Variants in PLEKHA6 observed in about 807,000 individuals in gnomAD.
PLEKHA6 encodes pleckstrin homology domain-containing family A member 6.
A neutral mutation model predicts 116.7 loss-of-function variants in PLEKHA6; 60 were observed. The observed-to-expected ratio is 0.51, with a 90% CI of 0.42 to 0.64. The LOEUF (loss-of-function observed/expected upper bound fraction) is 0.64. PLEKHA6 is among the 30% of genes least tolerant of loss of function. The pLI is 0.00. For synonymous variants in PLEKHA6, 489 were observed against 556.1 expected (o/e 0.88, Z 1.70); for missense variants, 1,338 against 1,422.7 (o/e 0.94, Z 0.96).
intron 1 of PLEKHA6, chr1:204,297,001 A>C: frequency 1.3e-5 from 6 of 445,800 alleles, no homozygotes; most frequent in Non-Finnish European, 1.8e-5. Context: ...ATTTAGGAAC[A>C]TGGCTATTAC....
chr1:204,295,489 C>CA (rs11422057), intron 1 of PLEKHA6, among the ~76,000 whole-genome samples: 55,480 of 121,866 alleles, frequency 0.46, 11,356 homozygotes, highest in Middle Eastern at 0.54. Context: ...GATGCCATCT[C>CA]AAAAAAAAAA....
chr1:204,266,638 A>C (rs1666859778), intron 5 of PLEKHA6, among the ~76,000 whole-genome samples: 1 of 146,564 alleles, frequency 6.8e-6, no homozygotes, highest in South Asian at 2.1e-4. Flanking sequence ...CAGCAACAGC[A>C]GTGCTCTGCA....
chr1:204,297,796 C>G (rs1670431569), intron 1 of PLEKHA6: 2 of 665,432 alleles, frequency 3.0e-6, no homozygotes, highest in Non-Finnish European at 3.7e-6. Flanking sequence ...ACATTGCTAA[C>G]TATGAGCTGT....
chr1:204,310,109 C>A (rs1028511425), intron 1 of PLEKHA6, among the ~76,000 whole-genome samples: 1 of 151,820 alleles, frequency 6.6e-6, no homozygotes, highest in African/African-American at 2.4e-5. Flanking sequence ...TGGATGTGGC[C>A]CATGGGTCAC....
Position 204,257,769 on chromosome 1 carries a change from G to C in PLEKHA6, c.1108C>G (p.Arg370Gly), listed in dbSNP as rs780352987. The part of the protein sequence containing the change: ...DDYQYYPPGV[R>G]PESICSMPAY... ...GGCATGGAACAGATGCTCTCCGGCC[G>C]CACTCCTGGCGGGTAGTACTGATAA... Residue 370 changes from arginine to glycine, a missense_variant, in exon 9 of 23, where the codon CGG becomes GGG. Arg to Gly is a moderately radical substitution (Grantham distance 125). Around this residue, in one of 3 missense-constraint regions of PLEKHA6, gnomAD observed 1,136 missense variants for 1,163.6 expected, o/e 0.98. Coordinates refer to ENST00000272203, the MANE Select transcript of PLEKHA6 (RefSeq NM_014935.5). This position sits in a 1 kb window ranked among gnomAD's most constrained non-coding sequence, Gnocchi z 6.5. 4.3e-6 allele frequency: 7 copies of C among 1,613,892 alleles called. No individual in the cohort carries two copies. The highest frequency in any genetic ancestry group is 5.9e-6 in the Non-Finnish European group (7 of 1,179,960).
Position 204,257,637 on chromosome 1 carries a change from T to G in PLEKHA6, c.1240A>C (p.Ser414Arg). ...YQLREWKEPASYGRQDATVWI... is the reference protein window; with the variant it reads ...YQLREWKEPARYGRQDATVWI... ...ACGGTGGCATCCTGCCGCCCGTAGC[T>G]GGCGGGCTCCTTCCACTCTCGCAGC... is the stretch of plus-strand genomic sequence containing the variant. The change falls in exon 9 of 23, where the codon AGC becomes CGC. Residue 414 changes from serine to arginine, a missense_variant. By Grantham distance (110) the Ser-to-Arg change is moderately radical. This residue lies in a region of PLEKHA6 where 1,136 missense variants were observed against 1,163.6 expected (regional missense o/e 0.98). Coordinates refer to ENST00000272203, the MANE Select transcript of PLEKHA6 (RefSeq NM_014935.5). This position sits in a 1 kb window ranked among gnomAD's most constrained non-coding sequence, Gnocchi z 6.5. 1 of 1,609,524 alleles carries G rather than the reference T, an allele frequency of 6.2e-7. No homozygotes were observed. Among genetic ancestry groups the G allele is most frequent in the Non-Finnish European group, 8.5e-7 (1 of 1,178,326 alleles).
intron 1 of PLEKHA6, among the ~76,000 whole-genome samples, chr1:204,298,396 A>G (rs1482205382): frequency 2.0e-5 from 3 of 152,208 alleles, no homozygotes; most frequent in Non-Finnish European, 2.9e-5. Context: ...CCATTTATGA[A>G]AGACTTTACT....
intron 1 of PLEKHA6, among the ~76,000 whole-genome samples, chr1:204,329,121 G>T (rs750645287): frequency 6.6e-6 from 1 of 152,224 alleles, no homozygotes; most frequent in Non-Finnish European, 1.5e-5. Flanking sequence ...AGAGGGGATA[G>T]TTGGGAAAGA....
intron 1 of PLEKHA6, among the ~76,000 whole-genome samples, chr1:204,332,616 G>A (rs1672496348): frequency 6.6e-6 from 1 of 152,112 alleles, no homozygotes; most frequent in African/African-American, 2.4e-5. Flanking sequence ...TCTTGACCTC[G>A]TGATCCACCC....
Position 204,282,889 on chromosome 1 carries a change from C to T in PLEKHA6, c.-94-8080G>A, listed in dbSNP as rs111683145. 1.5e-5 allele frequency: 12 copies of T among 802,960 alleles called. No individual in the cohort carries two copies. The African/African-American group carries it at 1.7e-4, about 11-fold the overall frequency. The allele number at this position is 802,960 out of a possible 1,614,324, so 49.7% of individuals were successfully genotyped here. A position where few individuals can be genotyped will look rare whatever the true frequency, so the allele number is the denominator to read the frequency against. ...TCTCAGCCTTTCCTCAGTAGCTAAG[C>T]CAGACAGAAGCAGAGAAAAAAGGCC... is the stretch of plus-strand genomic sequence containing the variant. On this transcript the variant is annotated intron_variant, in intron 1 of 22. Transcript: ENST00000272203.
intron 1 of PLEKHA6, among the ~76,000 whole-genome samples, chr1:204,300,887 T>C (rs902896334): frequency 2.2e-4 from 33 of 152,242 alleles, no homozygotes; most frequent in Non-Finnish European, 4.4e-5. Flanking sequence ...AATGCTTTCA[T>C]AGCATTCCAA....
At chr1:204,319,979 C>T (rs116127747) in intron 1 of PLEKHA6, among the ~76,000 whole-genome samples, 1,670 of 152,196 alleles carry the variant, frequency 0.011, 18 homozygotes, top group Admixed American at 0.018. Context: ...CTAACAGGGA[C>T]GAGTGGAACA....
At chr1:204,302,009 A>G (rs751443854) in intron 1 of PLEKHA6, among the ~76,000 whole-genome samples, 1 of 152,224 alleles carries the variant, frequency 6.6e-6, no homozygotes, top group South Asian at 2.1e-4. Flanking sequence ...TCCAACAGGC[A>G]TACGACTGTT....
intron 1 of PLEKHA6, among the ~76,000 whole-genome samples, chr1:204,329,112 G>A (rs1169116437): frequency 6.6e-6 from 1 of 152,224 alleles, no homozygotes; most frequent in Non-Finnish European, 1.5e-5. Flanking sequence ...GGGGTGATTA[G>A]AGGGGATAGT....
Position 204,265,938 on chromosome 1 carries a change from G to A in PLEKHA6, c.281-896C>T, listed in dbSNP as rs115173513. Among the ~76,000 whole-genome samples the A allele has an allele frequency of 6.0e-3, 916 of 152,316 alleles. 10 individuals carry two copies. The highest frequency in any genetic ancestry group is 8.5e-3 in the Non-Finnish European group (575 of 68,034). ...CTGGAAGCAGGAAGCAAGAAAGGGC[G>A]GGGAGTGCTCTGTGGGACAGTGGGG... On this transcript the variant is annotated intron_variant, in intron 5 of 22. Coordinates refer to ENST00000272203, the MANE Select transcript of PLEKHA6 (RefSeq NM_014935.5).
At chr1:204,250,456 G>T in intron 10 of PLEKHA6, 90 bp downstream of exon 10, 1 of 875,792 alleles carries the variant, frequency 1.1e-6, no homozygotes, top group South Asian at 1.4e-5. Flanking sequence ...CCCCCGCAGA[G>T]GAAGAGAGAT....
At chr1:204,377,392 G>A (rs542128252) in intron 1 of PLEKHA6, among the ~76,000 whole-genome samples, 2 of 152,286 alleles carry the variant, frequency 1.3e-5, no homozygotes, top group South Asian at 4.1e-4. Context: ...AGCCTTTGCT[G>A]GACTTTGACC....
intron 3 of PLEKHA6, among the ~76,000 whole-genome samples, chr1:204,365,205 C>T (rs1673627028): frequency 6.6e-6 from 1 of 152,120 alleles, no homozygotes; most frequent in Non-Finnish European, 1.5e-5. Flanking sequence ...CCTTTACGTG[C>T]CCAGATAGGG....
intron 9 of PLEKHA6, among the ~76,000 whole-genome samples, chr1:204,250,850 C>T (rs898204125): frequency 6.6e-6 from 1 of 152,178 alleles, no homozygotes; most frequent in Non-Finnish European, 1.5e-5. Flanking sequence ...CAGAACTCTG[C>T]TTGAGTCATG....
Sources: allele counts gnomAD v4.1 joint callset (sites outside exome capture counted in the v4.1 genomes callset), GRCh38; gene constraint gnomAD v4.1.1; regional missense constraint gnomAD v4.1.1; non-coding constraint Gnocchi (gnomAD v3.1); transcripts MANE v1.5; gene names NCBI Gene and HGNC (gene_info 2026-07-23, HGNC 2026-07-21).